CASK: variants seen among roughly 807,000 people sequenced by gnomAD.
CASK encodes the protein calcium/calmodulin dependent serine protein kinase.
A neutral mutation model predicts 82.9 loss-of-function variants in CASK; 4 were observed. That is an observed-to-expected ratio of 0.05 (90% confidence interval 0.02 to 0.11). The LOEUF is 0.11. CASK is among the 10% of genes least tolerant of loss of function. The pLI, the probability that CASK is intolerant of heterozygous loss-of-function variation, is 1.00. For missense variants in CASK, 358 were observed against 720.9 expected (o/e 0.50, Z 5.76); for synonymous variants, 259 against 253.5 (o/e 1.02, Z -0.20).
chrX:41,832,649 AAATACAGGTTACTGTGAAT>A (rs1215113363), intron 2 of CASK, among the ~76,000 whole-genome samples: 1 of 112,750 alleles, frequency 8.9e-6, no homozygotes, highest in Non-Finnish European at 1.9e-5. Flanking sequence ...TCCTTAGGGA[AAATACAGGTTACTGTGAAT>A]CTCTGGTTGC....
At chrX:41,742,264 C>A (rs888660323) in intron 4 of CASK, among the ~76,000 whole-genome samples, 1 of 111,535 alleles carries the variant, frequency 9.0e-6, no homozygotes, top group Non-Finnish European at 1.9e-5. Context: ...TGGAAACCCA[C>A]AAACCCCAGT....
chrX:41,565,595 T>C (rs1337325984), intron 16 of CASK, among the ~76,000 whole-genome samples: 5 of 111,456 alleles, frequency 4.5e-5, no homozygotes, highest in Admixed American at 1.9e-4. Context: ...CAATAATTAA[T>C]AGCCTACCAA....
intron 3 of CASK, among the ~76,000 whole-genome samples, chrX:41,759,622 C>G (rs983276231): frequency 1.8e-5 from 2 of 111,430 alleles, no homozygotes; most frequent in Non-Finnish European, 3.8e-5. Context: ...TGAGAAATGC[C>G]CCCCCTACAC....
At chrX:41,880,420 G>A (rs1349262201) in intron 1 of CASK, among the ~76,000 whole-genome samples, 1 of 111,705 alleles carries the variant, frequency 9.0e-6, no homozygotes, top group East Asian at 2.8e-4. Context: ...TATGGTCAGT[G>A]GTAGAGGCCA....
At chrX:41,579,116 G>T (rs1170698548) in intron 14 of CASK, among the ~76,000 whole-genome samples, 3 of 111,729 alleles carry the variant, frequency 2.7e-5, no homozygotes, top group African/African-American at 6.5e-5. Flanking sequence ...AATTTAAAAA[G>T]AAATAGTGCA....
At chrX:41,654,541 C>T (rs987227397) in intron 8 of CASK, among the ~76,000 whole-genome samples, 1 of 110,564 alleles carries the variant, frequency 9.0e-6, no homozygotes, top group East Asian at 2.8e-4. Flanking sequence ...GGCATGGTGG[C>T]GGGCACCTGT....
intron 1 of CASK, among the ~76,000 whole-genome samples, chrX:41,866,913 A>G (rs1454872911): frequency 9.0e-6 from 1 of 111,458 alleles, no homozygotes; most frequent in East Asian, 2.8e-4. Flanking sequence ...AGCATACTAG[A>G]CTAGGGGTTC....
chrX:41,581,052 T>A (rs1377119882), intron 14 of CASK, among the ~76,000 whole-genome samples: 1 of 111,529 alleles, frequency 9.0e-6, no homozygotes, highest in Non-Finnish European at 1.9e-5. Flanking sequence ...AAGTAATCAG[T>A]GAGATAATAT....
At chrX:41,779,952 T>A (rs756433948) in intron 3 of CASK, among the ~76,000 whole-genome samples, 4 of 110,920 alleles carry the variant, frequency 3.6e-5, no homozygotes, top group Non-Finnish European at 5.7e-5. Flanking sequence ...ATTAAAGATA[T>A]AAAAGGTAAA....
chrX:41,703,686 G>T (rs759318907), intron 5 of CASK, among the ~76,000 whole-genome samples: 1 of 112,558 alleles, frequency 8.9e-6, no homozygotes, highest in African/African-American at 3.2e-5. Flanking sequence ...ATGCCCATGT[G>T]TGAAGTTTAT....
chrX:41,712,214 T>A (rs1291026284), intron 5 of CASK, among the ~76,000 whole-genome samples: 1 of 112,724 alleles, frequency 8.9e-6, no homozygotes, highest in Non-Finnish European at 1.9e-5. Context: ...AATCAGCTAC[T>A]AAAGGTAAAA....
At chrX:41,873,203 G>A (rs1488440587) in intron 1 of CASK, among the ~76,000 whole-genome samples, 1 of 101,231 alleles carries the variant, frequency 9.9e-6, no homozygotes, top group African/African-American at 3.7e-5. Context: ...TTTTGACCCT[G>A]ACCCAACTCT....
intron 22 of CASK, among the ~76,000 whole-genome samples, chrX:41,538,622 C>G (rs894440329): frequency 8.9e-6 from 1 of 112,217 alleles, no homozygotes; most frequent in African/African-American, 3.2e-5. Context: ...GAAATACTGT[C>G]TAGCATAGTT....
Position 41,853,154 on chromosome X carries a change from C to T in CASK, c.133G>A (p.Val45Ile). The T allele has an allele frequency of 8.3e-7, 1 of 1,206,461 alleles. No homozygotes were observed. Among genetic ancestry groups the T allele is most frequent in the Non-Finnish European group, 1.1e-6 (1 of 890,917 alleles). Reference protein sequence around the residue: ...GQQFAVKIVDVAKFTSSPGLS... With the variant: ...GQQFAVKIVDIAKFTSSPGLS... ...CCTGGACTTGATGTGAACTTGGCTA[C>T]ATCAACAATTTTTACAGCAAATTGT... Residue 45 changes from valine (V) to isoleucine (I), a missense_variant, in exon 2 of 27, where the codon GTA becomes ATA. Val to Ile is a conservative substitution (Grantham distance 29). Coordinates refer to ENST00000378163, the MANE Select transcript of CASK (RefSeq NM_001367721.1).
intron 21 of CASK, among the ~76,000 whole-genome samples, chrX:41,547,156 A>T (rs964282146): frequency 9.1e-6 from 1 of 110,282 alleles, no homozygotes; most frequent in Non-Finnish European, 1.9e-5. Context: ...CTGGTCTCGA[A>T]CTCCTGACCT....
intron 1 of CASK, among the ~76,000 whole-genome samples, chrX:41,919,029 T>C (rs751530065): frequency 8.9e-6 from 1 of 112,157 alleles, no homozygotes; most frequent in Non-Finnish European, 1.9e-5. Flanking sequence ...CGGACAATAA[T>C]TGCTCTGAGG....
chrX:41,830,858 A>G (rs958636826), intron 2 of CASK, among the ~76,000 whole-genome samples: 1 of 109,015 alleles, frequency 9.2e-6, no homozygotes, highest in Non-Finnish European at 1.9e-5. Context: ...ATAGATAAAC[A>G]TGGATTAGAA....
rs17144519 is a variant in CASK, at chrX:41,758,565, C to T, written c.279-12964G>A. 9.7e-3 allele frequency among the ~76,000 whole-genome samples: 1,068 copies of T among 110,650 alleles called. 16 individuals are homozygous for T. The highest frequency in any genetic ancestry group is 0.033 in the African/African-American group (1,014 of 30,468). On this transcript the variant is annotated intron_variant, in intron 3 of 26. Coordinates refer to ENST00000378163, the MANE Select transcript of CASK (RefSeq NM_001367721.1). ...GACTACATGGTAGTTAAGAGGACAGCAGCATTTCAAGGCATTTGTTCCGAC... is the reference window on the plus strand; with the variant it reads ...GACTACATGGTAGTTAAGAGGACAGTAGCATTTCAAGGCATTTGTTCCGAC...
intron 25 of CASK, among the ~76,000 whole-genome samples, chrX:41,528,968 A>T (rs759912287): frequency 8.9e-6 from 1 of 112,456 alleles, no homozygotes; most frequent in South Asian, 3.7e-4. Context: ...GACTGGCATG[A>T]GGCTGGCCTG....
Sources: allele counts gnomAD v4.1 joint callset (sites outside exome capture counted in the v4.1 genomes callset), GRCh38; gene constraint gnomAD v4.1.1; transcripts MANE v1.5; gene names NCBI Gene and HGNC (gene_info 2026-07-23, HGNC 2026-07-21).